Variants in NRL observed in about 807,000 individuals in gnomAD.
The protein encoded by NRL is neural retina-specific leucine zipper protein.
In NRL, 16 loss-of-function variants were observed where a neutral mutation model predicts 12.5. That is an observed-to-expected ratio of 1.28 (90% CI 0.87 to 1.95). The LOEUF is 1.95. Ranked by LOEUF, NRL falls within the 30% of genes most tolerant of loss-of-function variation. The pLI is 0.00. For missense variants in NRL, 314 were observed against 325.8 expected, an observed-to-expected ratio of 0.96 and a Z score of 0.28; for synonymous variants, 142 against 150.9, an observed-to-expected ratio of 0.94 and a Z score of 0.43.
At chr14:24,088,906 T>C (rs913198036) in intron 1 of NRL, among the ~76,000 whole-genome samples, 8 of 150,390 alleles carry the variant, frequency 5.3e-5, no homozygotes, top group Admixed American at 3.3e-4. Flanking sequence ...CCCAGGTTCA[T>C]GCCATTCTCC....
chr14:24,114,551 A>G (rs1430014360), intron 1 of NRL, 171 bp downstream of exon 1: 1 of 394,786 alleles, frequency 2.5e-6, no homozygotes, highest in Non-Finnish European at 3.4e-6. Flanking sequence ...GTAGCGAACC[A>G]CCAAACGTTT....
rs1566561298 is a variant in NRL at position 24,082,845 on chromosome 14, C to A, written c.4G>T (p.Ala2Ser). Reference sequence around the variant, plus strand: ...ATGGCCAGGGGGCTGGGGGGCAGGGCCATTCTGGAGCTGGGCTGGGAGGAG... The same window carrying A: ...ATGGCCAGGGGGCTGGGGGGCAGGGACATTCTGGAGCTGGGCTGGGAGGAG... M[A>S]LPPSPLAMEY... The change falls in exon 2 of 3, where the codon GCC becomes TCC. Residue 2 changes from alanine (A) to serine (S), a missense_variant. Ala to Ser is a moderately conservative substitution (Grantham distance 99). Coordinates refer to ENST00000561028, the MANE Select transcript of NRL (RefSeq NM_001354768.3). 2 of 1,611,372 alleles carry A rather than the reference C, an allele frequency of 1.2e-6. No individual in the cohort carries two copies. The highest frequency in any genetic ancestry group is 2.2e-5 in the East Asian group (1 of 44,818).
intron 1 of NRL, among the ~76,000 whole-genome samples, chr14:24,111,838 T>C (rs2037425399): frequency 7.7e-6 from 1 of 129,556 alleles, no homozygotes; most frequent in Non-Finnish European, 1.6e-5. Context: ...TTCCTTCTCC[T>C]GCCTGATTGC....
Position 24,114,806 on chromosome 14 carries a change from A to G in NRL, c.-112T>C, listed in dbSNP as rs2037500968. 2 of 985,976 alleles carry G rather than the reference A, an allele frequency of 2.0e-6. No homozygotes were observed. Among genetic ancestry groups the G allele is most frequent in the Non-Finnish European group, 2.4e-6 (2 of 829,966 alleles). 61.1% of individuals were successfully genotyped at this position (985,976 alleles called of 1,614,324 possible). On this transcript the variant is annotated 5_prime_UTR_variant, in exon 1 of 3. Transcript: ENST00000561028. ...GACGTTTGCAGCCCGCCGGCCAGGAAGCCGCGAGATGCGTGACGAGCGAAG... is the reference window on the plus strand; with the variant it reads ...GACGTTTGCAGCCCGCCGGCCAGGAGGCCGCGAGATGCGTGACGAGCGAAG...
At position 24,082,812 on chromosome 14, in the gene NRL, C is replaced by T. The variant is rs1566561188; in HGVS notation, c.37G>A (p.Val13Ile). The T allele has an allele frequency of 6.2e-7, 1 of 1,614,014 alleles. No homozygotes were observed. The highest frequency in any genetic ancestry group is 8.5e-7 in the Non-Finnish European group (1 of 1,179,920). Residue 13 changes from valine (V) to isoleucine (I), a missense_variant, in exon 2 of 3, where the codon GTC becomes ATC. Transcript: ENST00000561028. Reference protein sequence around the residue: ...LPPSPLAMEYVNDFDLMKFEV... With the variant: ...LPPSPLAMEYINDFDLMKFEV... ...AACTTCATCAAGTCAAAGTCATTGA[C>T]ATATTCCATGGCCAGGGGGCTGGGG... is the stretch of plus-strand genomic sequence containing the variant.
intron 1 of NRL, among the ~76,000 whole-genome samples, chr14:24,111,962 TG>T (rs1265551405): frequency 1.1e-5 from 1 of 90,560 alleles, no homozygotes; most frequent in Non-Finnish European, 2.2e-5. Context: ...AGTATGATAT[TG>T]GCTGTGGGTT....
chr14:24,082,372 C>G (rs2036338402), intron 2 of NRL, 96 bp downstream of exon 2: 2 of 1,507,550 alleles, frequency 1.3e-6, no homozygotes, highest in African/African-American at 2.7e-5. Context: ...GTCCCCTGTC[C>G]CAGTCCATAA....
chr14:24,100,106 C>G (rs974553732), intron 1 of NRL: 7 of 1,612,420 alleles, frequency 4.3e-6, no homozygotes, highest in Non-Finnish European at 4.2e-6. Context: ...ACTATTTTTA[C>G]CAATGTGGCT....
At chr14:24,100,511 A>C in intron 1 of NRL, 1 of 855,622 alleles carries the variant, frequency 1.2e-6, no homozygotes, top group Non-Finnish European at 1.6e-6. Context: ...TAAATAGTGC[A>C]TAAAAAGGGT....
chr14:24,101,526 G>T (rs1376906341), intron 1 of NRL, among the ~76,000 whole-genome samples: 2 of 152,182 alleles, frequency 1.3e-5, no homozygotes, highest in African/African-American at 4.8e-5. Flanking sequence ...GGCTCCTGAG[G>T]TTATCCCTAC....
intron 1 of NRL, among the ~76,000 whole-genome samples, chr14:24,110,966 T>G (rs1215359935): frequency 2.0e-5 from 3 of 152,218 alleles, no homozygotes; most frequent in Non-Finnish European, 4.4e-5. Flanking sequence ...TTTGAAACAA[T>G]GAACAATAGT....
Position 24,082,800 on chromosome 14 carries a change from C to T in NRL, c.49G>A (p.Asp17Asn). 6.2e-7 allele frequency: 1 copy of T among 1,614,168 alleles called. No homozygotes were observed. Among genetic ancestry groups the T allele is most frequent in the Non-Finnish European group, 8.5e-7 (1 of 1,180,034 alleles). The stretch of plus-strand genomic sequence containing the variant: ...CGCTTTACCTCAAACTTCATCAAGT[C>T]AAAGTCATTGACATATTCCATGGCC... ...PLAMEYVNDF[D>N]LMKFEVKREP... The change falls in exon 2 of 3, where the codon GAC becomes AAC. Residue 17 changes from aspartate to asparagine, a missense_variant. Physicochemically the swap from Asp to Asn is conservative, Grantham distance 23. Coordinates refer to ENST00000561028, the MANE Select transcript of NRL (RefSeq NM_001354768.3).
rs2037215261 is a variant in NRL, at chr14:24,102,808, G to A, written c.-28+11914C>T. 5 of 1,613,910 alleles carry A rather than the reference G, an allele frequency of 3.1e-6. No homozygotes were observed. In the East Asian group the frequency reaches 1.1e-4, roughly 36 times the overall value. ...CTCGATTTTGTGCCCCGGCTCGCCAGTGCCCCATCATGGACCCAGCCTGGG... is the reference window on the plus strand; with the variant it reads ...CTCGATTTTGTGCCCCGGCTCGCCAATGCCCCATCATGGACCCAGCCTGGG... On this transcript the variant is annotated intron_variant, in intron 1 of 2. Transcript: ENST00000561028.
intron 1 of NRL, among the ~76,000 whole-genome samples, chr14:24,111,542 T>G (rs2037420005): frequency 1.3e-5 from 2 of 151,928 alleles, no homozygotes; most frequent in Admixed American, 6.6e-5. Context: ...CTCGGCTTTT[T>G]TTTTTTTAGT....
At chr14:24,113,441 A>T (rs2037458629) in intron 1 of NRL, among the ~76,000 whole-genome samples, 1 of 152,224 alleles carries the variant, frequency 6.6e-6, no homozygotes, top group South Asian at 2.1e-4. Flanking sequence ...CAATAAATAA[A>T]GATCCCGATT....
intron 1 of NRL, chr14:24,099,363 GC>G: frequency 9.3e-7 from 1 of 1,077,342 alleles, no homozygotes; most frequent in Non-Finnish European, 1.3e-6. Flanking sequence ...CTACTTGAAG[GC>G]CCAAAGCTTT....
intron 1 of NRL, chr14:24,098,507 G>C: frequency 6.2e-7 from 1 of 1,614,104 alleles, no homozygotes; most frequent in Non-Finnish European, 8.5e-7. Flanking sequence ...ATTCAGCATG[G>C]GTCCTGTGGG....
intron 1 of NRL, chr14:24,095,203 C>A: frequency 2.2e-6 from 1 of 456,078 alleles, no homozygotes; most frequent in Non-Finnish European, 4.4e-6. Context: ...ACTTGGGCAG[C>A]CCTTGTGGGT....
At chr14:24,108,408 G>C (rs531198150) in intron 1 of NRL, among the ~76,000 whole-genome samples, 1 of 152,162 alleles carries the variant, frequency 6.6e-6, no homozygotes, top group Non-Finnish European at 1.5e-5. Flanking sequence ...CGTGATCACA[G>C]CTCACTGCAG....
Sources: allele counts gnomAD v4.1 joint callset (sites outside exome capture counted in the v4.1 genomes callset), GRCh38; gene constraint gnomAD v4.1.1; transcripts MANE v1.5; gene names NCBI Gene and HGNC (gene_info 2026-07-23, HGNC 2026-07-21).